The following ATRNL1 variants were observed in gnomAD, a reference collection of about 807,000 sequenced individuals.
ATRNL1 encodes attractin like 1, also known as attractin-like protein 1.
A neutral mutation model predicts 182.7 loss-of-function variants in ATRNL1; 95 were observed. The ratio of observed to expected loss-of-function variants is 0.52; its 90% confidence interval spans 0.44 to 0.62. The LOEUF is 0.62. Among genes scored for constraint, ATRNL1 ranks in the 20% least tolerant of loss-of-function variants. ATRNL1 has a pLI of 0.00. For synonymous variants in ATRNL1, 576 were observed against 568.3 expected (o/e 1.01, Z -0.19); for missense variants, 1,471 against 1,679.5 (o/e 0.88, Z 2.17).
chr10:115,606,902 A>G (rs969301301), intron 26 of ATRNL1, among the ~76,000 whole-genome samples: 1 of 151,954 alleles, frequency 6.6e-6, no homozygotes, highest in Non-Finnish European at 1.5e-5. Context: ...GCTGTCACTA[A>G]GATGGTGTCA....
intron 27 of ATRNL1, among the ~76,000 whole-genome samples, chr10:115,774,205 A>G (rs1949063357): frequency 6.6e-6 from 1 of 152,092 alleles, no homozygotes. Context: ...AGGCGGGCAG[A>G]TCACCTGAGG....
chr10:115,532,351 TG>T, intron 25 of ATRNL1, among the ~76,000 whole-genome samples: 1 of 152,290 alleles, frequency 6.6e-6, no homozygotes, highest in East Asian at 1.9e-4. Context: ...TCACATCCCT[TG>T]TAAGTTGGAT....
At chr10:115,290,810 G>C (rs1350246171) in intron 15 of ATRNL1, among the ~76,000 whole-genome samples, 11 of 152,214 alleles carry the variant, frequency 7.2e-5, no homozygotes, top group African/African-American at 2.7e-4. Context: ...GGTGGTGTCT[G>C]ATTTACATAG....
chr10:115,878,670 T>C (rs1219071929), intron 28 of ATRNL1, among the ~76,000 whole-genome samples: 1 of 152,186 alleles, frequency 6.6e-6, no homozygotes, highest in Admixed American at 6.5e-5. Context: ...AGCAAGAAAG[T>C]CCTGCTTGAC....
At chr10:115,317,046 T>G (rs1439740620) in intron 18 of ATRNL1, among the ~76,000 whole-genome samples, 6 of 152,326 alleles carry the variant, frequency 3.9e-5, no homozygotes, top group Admixed American at 3.3e-4. Flanking sequence ...TTTATGGTTT[T>G]GGGTTTTACA....
chr10:115,117,054 G>A (rs1036043343), intron 1 of ATRNL1, among the ~76,000 whole-genome samples: 2 of 151,914 alleles, frequency 1.3e-5, no homozygotes, highest in African/African-American at 2.4e-5. Flanking sequence ...TTGGAGGAAG[G>A]GGGATATATA....
intron 26 of ATRNL1, among the ~76,000 whole-genome samples, chr10:115,587,889 T>C (rs1162553487): frequency 1.3e-5 from 2 of 150,354 alleles, no homozygotes; most frequent in Admixed American, 6.7e-5. Flanking sequence ...AGAAAACAAA[T>C]AGAACAGAAG....
chr10:115,462,090 C>A (rs1554969810), intron 22 of ATRNL1, 55 bp downstream of exon 22: 4 of 1,303,878 alleles, frequency 3.1e-6, no homozygotes, highest in South Asian at 1.3e-5. Flanking sequence ...ATTTTTTTTT[C>A]ATATTTCATT....
At chr10:115,343,747 T>C (rs1214565841) in intron 19 of ATRNL1, among the ~76,000 whole-genome samples, 2 of 152,190 alleles carry the variant, frequency 1.3e-5, no homozygotes, top group African/African-American at 2.4e-5. Context: ...CCCCACTGTC[T>C]GGGCTTGTTG....
chr10:115,577,981 C>G (rs957473301), intron 26 of ATRNL1, among the ~76,000 whole-genome samples: 1 of 151,592 alleles, frequency 6.6e-6, no homozygotes, highest in African/African-American at 2.4e-5. Context: ...TGAACTTTGT[C>G]AAATGCTTTT....
At position 115,094,018 on chromosome 10, in the gene ATRNL1, T is replaced by G; in HGVS notation, c.268T>G (p.Cys90Gly). The G allele has an allele frequency of 6.4e-7, 1 of 1,556,162 alleles. No homozygotes were observed. Among genetic ancestry groups the G allele is most frequent in the Non-Finnish European group, 8.7e-7 (1 of 1,151,530 alleles). The change falls in exon 1 of 29, where the codon TGC becomes GGC. Residue 90 changes from cysteine (C) to glycine (G), a missense_variant. Transcript: ENST00000355044. The part of the protein sequence containing the change: ...LCDPGWVGDQ[C>G]QHCQGRFKLT... The stretch of plus-strand genomic sequence containing the variant: ...CGACCCGGGCTGGGTGGGGGACCAG[T>G]GCCAGCACTGCCAGGGCAGGTTCAA...
chr10:115,412,964 A>G (rs1845215131), intron 20 of ATRNL1, among the ~76,000 whole-genome samples: 1 of 152,206 alleles, frequency 6.6e-6, no homozygotes, highest in African/African-American at 2.4e-5. Context: ...AATGAAATTG[A>G]TGGATTATGA....
At chr10:115,196,242 A>G (rs1554890984) in intron 8 of ATRNL1, among the ~76,000 whole-genome samples, 1 of 152,174 alleles carries the variant, frequency 6.6e-6, no homozygotes, top group Non-Finnish European at 1.5e-5. Flanking sequence ...GTATCTGTGT[A>G]GAAAAATCAA....
At chr10:115,137,520 G>A (rs1281770842) in intron 5 of ATRNL1, among the ~76,000 whole-genome samples, 1 of 151,734 alleles carries the variant, frequency 6.6e-6, no homozygotes, top group South Asian at 2.1e-4. Context: ...CCACATGGCT[G>A]GGGGGGCCTC....
intron 26 of ATRNL1, among the ~76,000 whole-genome samples, chr10:115,649,446 A>G (rs782524701): frequency 6.6e-6 from 1 of 152,110 alleles, no homozygotes; most frequent in Non-Finnish European, 1.5e-5. Context: ...TTGTTGAAGA[A>G]AAATATGTGA....
At chr10:115,224,118 G>A (rs1305224533) in intron 9 of ATRNL1, among the ~76,000 whole-genome samples, 6 of 150,588 alleles carry the variant, frequency 4.0e-5, no homozygotes, top group Non-Finnish European at 8.9e-5. Flanking sequence ...TGTATTTTTA[G>A]TACAGATGGG....
At chr10:115,664,980 A>C (rs10885763) in intron 26 of ATRNL1, among the ~76,000 whole-genome samples, 42,891 of 151,994 alleles carry the variant, frequency 0.28, 6,322 homozygotes, top group East Asian at 0.38. Flanking sequence ...TTTAAAGCCA[A>C]AGATAAAATA....
intron 17 of ATRNL1, among the ~76,000 whole-genome samples, chr10:115,303,624 G>A (rs563798941): frequency 6.6e-6 from 1 of 152,156 alleles, no homozygotes; most frequent in Non-Finnish European, 1.5e-5. Context: ...AAGTTCTTTT[G>A]CTTCTTTTTC....
chr10:115,298,067 C>T (rs1213125278), intron 15 of ATRNL1, among the ~76,000 whole-genome samples: 3 of 152,110 alleles, frequency 2.0e-5, no homozygotes, highest in African/African-American at 7.2e-5. Context: ...TATCAGAAAG[C>T]TGAACTTCAG....
Sources: allele counts gnomAD v4.1 joint callset (sites outside exome capture counted in the v4.1 genomes callset), GRCh38; gene constraint gnomAD v4.1.1; transcripts MANE v1.5; gene names NCBI Gene and HGNC (gene_info 2026-07-23, HGNC 2026-07-21).